Variants in AXDND1 observed in about 807,000 individuals in gnomAD.
AXDND1 encodes the protein axonemal dynein light chain domain-containing protein 1.
In AXDND1, 110 loss-of-function variants were observed where a neutral mutation model predicts 137.5. The ratio of observed to expected loss-of-function variants is 0.80; its 90% CI spans 0.69 to 0.94. The LOEUF (loss-of-function observed/expected upper bound fraction) is 0.94, where lower values mean the gene tolerates loss of function less well. AXDND1 is among the 40% of genes least tolerant of loss of function. The pLI is 0.00. For synonymous variants in AXDND1, 414 were observed against 399.7 expected (o/e 1.04, Z -0.43); for missense variants, 1,191 against 1,169.8 (o/e 1.02, Z -0.26).
Position 179,379,405 on chromosome 1 carries a change from A to T in AXDND1, c.504A>T (p.Thr168=), listed in dbSNP as rs754407481. The T allele has an allele frequency of 1.2e-6, 2 of 1,613,522 alleles. No homozygotes were observed. Among genetic ancestry groups the T allele is most frequent in the East Asian group, 4.5e-5 (2 of 44,834 alleles). ...TTTTCTTTTCTTTTAAGCCAAAGAC[A>T]CTAACAGATACTTTGATTCCTGAAG... ...DGVIVPHKPK[T]LTDTLIPEEF... Residue 168 remains threonine (T), a synonymous_variant, in exon 6 of 26, where the codon ACA becomes ACT. Coordinates refer to ENST00000367618, the MANE Select transcript of AXDND1 (RefSeq NM_144696.6).
At chr1:179,384,077 T>C (rs1648818369) in intron 8 of AXDND1, among the ~76,000 whole-genome samples, 1 of 152,124 alleles carries the variant, frequency 6.6e-6, no homozygotes, top group African/African-American at 2.4e-5. Context: ...TAGTCTTACA[T>C]AGATAGAGAC....
At chr1:179,527,728 T>G (rs541882929) in intron 22 of AXDND1, among the ~76,000 whole-genome samples, 235 of 152,270 alleles carry the variant, frequency 1.5e-3, no homozygotes, top group Non-Finnish European at 2.7e-3. Flanking sequence ...TGCTTTTACT[T>G]TACTATACTC....
chr1:179,463,756 G>A (rs12131582), intron 16 of AXDND1, among the ~76,000 whole-genome samples: 25,366 of 151,898 alleles, frequency 0.17, 2,419 homozygotes, highest in East Asian at 0.35. Context: ...GGGAGTCTAA[G>A]TCTCTTTGTA....
Position 179,534,838 on chromosome 1 carries a change from A to G in AXDND1, c.2907A>G (p.Thr969=), listed in dbSNP as rs779534351. Residue 969 remains threonine, a synonymous_variant, in exon 25 of 26, where the codon ACA becomes ACG. Transcript: ENST00000367618. ...AAGATCTAGAGGAATTAGTCATGAC[A>G]TCAAGAAAGGAGTCTAAAGAAGAGA... The part of the protein sequence containing the change: ...KNKDLEELVM[T]SRKESKEEKE... The G allele has an allele frequency of 1.9e-5, 31 of 1,611,220 alleles. No individual in the cohort carries two copies. The South Asian group carries it at 3.2e-4, about 17-fold the overall frequency.
At chr1:179,375,606 CAT>C (rs1032662204) in intron 4 of AXDND1, among the ~76,000 whole-genome samples, 19 of 127,828 alleles carry the variant, frequency 1.5e-4, no homozygotes, top group Admixed American at 3.4e-4. Context: ...AATATATGCA[CAT>C]GTGTGTATCT....
intron 11 of AXDND1, among the ~76,000 whole-genome samples, chr1:179,396,976 A>T (rs1029369159): frequency 6.6e-6 from 1 of 152,166 alleles, no homozygotes; most frequent in Admixed American, 6.5e-5. Flanking sequence ...CATTTAGCCC[A>T]TTTACATTTA....
At chr1:179,466,688 T>C (rs1441312477) in intron 16 of AXDND1, among the ~76,000 whole-genome samples, 2 of 152,320 alleles carry the variant, frequency 1.3e-5, no homozygotes, top group East Asian at 3.9e-4. Flanking sequence ...TTCTATTTTA[T>C]TTTCTGTATT....
intron 15 of AXDND1, among the ~76,000 whole-genome samples, chr1:179,435,071 A>G (rs1657952312): frequency 6.6e-6 from 1 of 152,212 alleles, no homozygotes; most frequent in African/African-American, 2.4e-5. Flanking sequence ...GAGCCAAATC[A>G]TGGATTAACT....
intron 12 of AXDND1, among the ~76,000 whole-genome samples, chr1:179,414,644 C>T (rs893213576): frequency 3.9e-5 from 6 of 152,088 alleles, no homozygotes; most frequent in Admixed American, 3.3e-4. Context: ...CCAGGATGGT[C>T]TCGATCTCCT....
intron 22 of AXDND1, among the ~76,000 whole-genome samples, chr1:179,526,211 AC>A (rs940593042): frequency 6.6e-6 from 1 of 151,720 alleles, no homozygotes; most frequent in African/African-American, 2.4e-5. Context: ...CCCCGTCTCA[AC>A]CCCCGCAGGG....
rs375017959 is a variant in AXDND1, at chr1:179,552,654, A to T, written c.3032-1858A>T. The T allele has an allele frequency of 4.3e-6, 7 of 1,613,922 alleles. No individual in the cohort carries two copies. Among genetic ancestry groups the T allele is most frequent in the Non-Finnish European group, 5.9e-6 (7 of 1,179,980 alleles). ...CAGCCTCCACAGCCAGTGAGTGCTG[A>T]AGCCCAGCTGGCAACCTCACATCTT... is the stretch of plus-strand genomic sequence containing the variant. On this transcript the variant is annotated intron_variant, in intron 25 of 25. Transcript: ENST00000367618.
At position 179,379,527 on chromosome 1, in the gene AXDND1, C is replaced by G. The variant is rs376773122; in HGVS notation, c.581+45C>G. 1.2e-5 allele frequency: 20 copies of G among 1,601,110 alleles called. 1 individual carries two copies. The Middle Eastern group carries it at 5.9e-4, about 47-fold the overall frequency. On this transcript the variant is annotated intron_variant, in intron 6 of 25. Transcript: ENST00000367618. ...AAAAATACCTGCCCCAGCTCGGTGG[C>G]CCATGCCTGTAATCCCAGCACTTTG... is the stretch of plus-strand genomic sequence containing the variant.
At chr1:179,456,367 A>G in intron 16 of AXDND1, 1 of 781,400 alleles carries the variant, frequency 1.3e-6, no homozygotes, top group South Asian at 1.3e-5. Flanking sequence ...GTGGGTCCAA[A>G]ATTTGAAGAC....
intron 25 of AXDND1, chr1:179,544,339 CAA>C (rs1672443945): frequency 6.6e-6 from 1 of 152,054 alleles, no homozygotes. Context: ...ACTCTGCAGA[CAA>C]GACTGGCAAA....
intron 12 of AXDND1, among the ~76,000 whole-genome samples, chr1:179,413,222 GTTTATA>G (rs1486898606): frequency 6.6e-6 from 1 of 152,064 alleles, no homozygotes; most frequent in Admixed American, 6.6e-5. Context: ...CACATTAACT[GTTTATA>G]TTTATTTTAT....
intron 11 of AXDND1, among the ~76,000 whole-genome samples, chr1:179,397,914 C>A (rs2125153942): frequency 6.6e-6 from 1 of 152,198 alleles, no homozygotes; most frequent in Non-Finnish European, 1.5e-5. Flanking sequence ...TCATAGCATC[C>A]TTGAATTGGG....
chr1:179,444,385 G>T (rs1171975196), intron 15 of AXDND1, among the ~76,000 whole-genome samples: 1 of 152,018 alleles, frequency 6.6e-6, no homozygotes, highest in Non-Finnish European at 1.5e-5. Flanking sequence ...ACTCCTAATT[G>T]CTCTTCTACA....
intron 11 of AXDND1, among the ~76,000 whole-genome samples, chr1:179,401,767 C>G (rs1451049967): frequency 2.0e-5 from 3 of 152,026 alleles, no homozygotes; most frequent in African/African-American, 7.3e-5. Flanking sequence ...GGCTTTCATT[C>G]TCTCTTTGCC....
chr1:179,525,196 G>A lies in AXDND1; in HGVS notation c.2497-138G>A, dbSNP rs1670417158. On this transcript the variant is annotated intron_variant, in intron 21 of 25. Transcript: ENST00000367618. The stretch of plus-strand genomic sequence containing the variant: ...AATTAATAAGTTTCTTAAGGACAGG[G>A]ACTATTCTTATCAACCTTTGTATCC... The A allele has an allele frequency of 3.8e-6, 3 of 798,628 alleles. No individual in the cohort carries two copies. In the Admixed American group the frequency reaches 9.8e-5, roughly 26 times the overall value. The allele number at this position is 798,628 out of a possible 1,614,324, so 49.5% of individuals were successfully genotyped here. A position where few individuals can be genotyped will look rare whatever the true frequency, so the allele number is the denominator to read the frequency against.
Sources: gnomAD v4.1 joint callset for allele counts (sites outside exome capture counted in the v4.1 genomes callset) on GRCh38, gnomAD v4.1.1 for gene constraint, MANE v1.5 for transcripts, NCBI Gene and HGNC (gene_info 2026-07-23, HGNC 2026-07-21) for gene names.